SHTN1: variants seen among roughly 807,000 people sequenced by gnomAD.
The protein encoded by SHTN1 is shootin-1.
Under a neutral mutation model 83.1 loss-of-function variants are expected in SHTN1, and 42 were observed. The ratio of observed to expected loss-of-function variants is 0.51; its 90% confidence interval spans 0.39 to 0.65. SHTN1 has a LOEUF of 0.65. SHTN1 is among the 30% of genes least tolerant of loss of function. SHTN1 has a pLI of 0.00. For synonymous variants in SHTN1, 224 were observed against 247.7 expected, an observed-to-expected ratio of 0.90 and a Z score of 0.90; for missense variants, 622 against 737.8, an observed-to-expected ratio of 0.84 and a Z score of 1.82.
Position 116,906,755 on chromosome 10 carries a change from GA to G in SHTN1, c.1360-9del. 6.3e-7 allele frequency: 1 copy of G among 1,595,530 alleles called. No homozygotes were observed. The highest frequency in any genetic ancestry group is 8.5e-7 in the Non-Finnish European group (1 of 1,172,514). ...GGATTTGTTAAGTGTCCCCTAAAGT[GA>G]AAACAAAACAAAAACAAAAAGGTTA... On this transcript the variant is annotated splice_polypyrimidine_tract_variant and intron_variant, in intron 14 of 16. Coordinates refer to ENST00000355371, the MANE Select transcript of SHTN1 (RefSeq NM_001127211.3).
intron 12 of SHTN1, among the ~76,000 whole-genome samples, chr10:116,916,742 AAGAG>A (rs1438365326): frequency 6.6e-6 from 1 of 152,214 alleles, no homozygotes; most frequent in Non-Finnish European, 1.5e-5. Flanking sequence ...GGGAGCAACT[AAGAG>A]AGACCAGAGG....
chr10:117,003,780 G>A (rs1851905689), intron 1 of SHTN1, among the ~76,000 whole-genome samples: 1 of 152,156 alleles, frequency 6.6e-6, no homozygotes, highest in African/African-American at 2.4e-5. Flanking sequence ...ACAGAGCAGG[G>A]ATCCTTCCAT....
chr10:117,021,344 G>A (rs1852261275), intron 2 of SHTN1, among the ~76,000 whole-genome samples: 1 of 152,180 alleles, frequency 6.6e-6, no homozygotes, highest in South Asian at 2.1e-4. Flanking sequence ...GGTAGAGGTT[G>A]CAGTGAGCAG....
At chr10:117,096,588 G>A (rs754563029) in intron 1 of SHTN1, among the ~76,000 whole-genome samples, 33 of 152,178 alleles carry the variant, frequency 2.2e-4, no homozygotes, top group Non-Finnish European at 4.4e-4. Context: ...AGATACTTCT[G>A]AACACTACTT....
In SHTN1 at chr10:116,940,628, ACAAGAATGTATATAT is replaced by A. The variant is rs748800313; in HGVS notation, c.712-31_712-17del. ...CAATGAACATCTGCAAAAGTTTGTT[ACAAGAATGTATATAT>A]CAATCAATCTCACATACCTCCTCAA... On this transcript the variant is annotated splice_polypyrimidine_tract_variant and intron_variant, in intron 8 of 16. Transcript: ENST00000355371. 6.3e-7 allele frequency: 1 copy of A among 1,595,486 alleles called. No individual in the cohort carries two copies. Among genetic ancestry groups the A allele is most frequent in the Non-Finnish European group, 8.6e-7 (1 of 1,168,770 alleles).
chr10:117,100,740 G>A (rs912432141), intron 1 of SHTN1, among the ~76,000 whole-genome samples: 4 of 152,186 alleles, frequency 2.6e-5, no homozygotes, highest in African/African-American at 9.6e-5. Context: ...GGTTATGAAA[G>A]AGCTTTTTGA....
At chr10:117,022,053 C>A (rs1263065985) in intron 2 of SHTN1, among the ~76,000 whole-genome samples, 1 of 152,158 alleles carries the variant, frequency 6.6e-6, no homozygotes, top group African/African-American at 2.4e-5. Flanking sequence ...TGCCACAACA[C>A]TATATCATTA....
chr10:116,997,843 A>C (rs11593277), intron 1 of SHTN1, among the ~76,000 whole-genome samples: 90,559 of 152,120 alleles, frequency 0.6, 29,995 homozygotes, highest in Middle Eastern at 0.75. Flanking sequence ...CTGTAAACCC[A>C]GCACTTTGGG....
In SHTN1 at chr10:117,003,501, T is replaced by C. The variant is rs542326597; in HGVS notation, c.58+1521A>G. On this transcript the variant is annotated intron_variant, in intron 1 of 16. Transcript: ENST00000355371. Reference sequence around the variant, plus strand: ...AAATAATTTCCCCAGGGTCACACAGTAAACAGTAATGTTGAAATTTGTTTG... The same window carrying C: ...AAATAATTTCCCCAGGGTCACACAGCAAACAGTAATGTTGAAATTTGTTTG... Among the ~76,000 whole-genome samples, 7 of 151,896 alleles carry C rather than the reference T, an allele frequency of 4.6e-5. No individual in the cohort carries two copies. In the East Asian group the frequency reaches 1.4e-3, roughly 29 times the overall value.
chr10:117,063,209 C>T (rs1486036218), intron 1 of SHTN1, among the ~76,000 whole-genome samples: 1 of 152,176 alleles, frequency 6.6e-6, no homozygotes, highest in Non-Finnish European at 1.5e-5. Context: ...AATCTGTAAA[C>T]TACATTTCCT....
At chr10:116,929,771 T>C in intron 10 of SHTN1, 78 bp downstream of exon 10, 1 of 922,280 alleles carries the variant, frequency 1.1e-6, no homozygotes, top group South Asian at 2.5e-5. Context: ...CTAGACTAAC[T>C]ATATGCCAGG....
At chr10:116,956,912 T>A (rs1009959660) in intron 4 of SHTN1, among the ~76,000 whole-genome samples, 1 of 151,626 alleles carries the variant, frequency 6.6e-6, no homozygotes, top group Admixed American at 6.6e-5. Context: ...TATATGAGGG[T>A]TTTTTTTGTT....
intron 2 of SHTN1, among the ~76,000 whole-genome samples, chr10:117,031,714 C>T (rs948643839): frequency 2.0e-5 from 3 of 152,040 alleles, no homozygotes; most frequent in Non-Finnish European, 2.9e-5. Flanking sequence ...ATTTGCAAGC[C>T]TCATGGCAAC....
chr10:116,921,416 A>G lies in SHTN1; in HGVS notation c.1195+18T>C. The G allele has an allele frequency of 6.3e-7, 1 of 1,587,816 alleles. No individual in the cohort carries two copies. Among genetic ancestry groups the G allele is most frequent in the Non-Finnish European group, 8.6e-7 (1 of 1,156,956 alleles). On this transcript the variant is annotated intron_variant, in intron 12 of 16. Coordinates refer to ENST00000355371, the MANE Select transcript of SHTN1 (RefSeq NM_001127211.3). ...TGGTACACCATCAACCACTTACACC[A>G]ATAGAAGTGATGCTTACTTGTTTCT... is the stretch of plus-strand genomic sequence containing the variant.
At chr10:117,100,468 G>A (rs541716174) in intron 1 of SHTN1, among the ~76,000 whole-genome samples, 5 of 152,208 alleles carry the variant, frequency 3.3e-5, no homozygotes, top group African/African-American at 1.2e-4. Context: ...ATGTTTTCTT[G>A]CCATTCCTTT....
At chr10:117,081,021 G>A (rs80044962) in intron 1 of SHTN1, among the ~76,000 whole-genome samples, 34 of 151,426 alleles carry the variant, frequency 2.2e-4, no homozygotes, top group East Asian at 1.8e-3. Context: ...TTGAATACCC[G>A]TTATTTCCTT....
At chr10:117,055,913 T>C (rs944977729) in intron 1 of SHTN1, among the ~76,000 whole-genome samples, 2 of 152,198 alleles carry the variant, frequency 1.3e-5, no homozygotes, top group Admixed American at 1.3e-4. Flanking sequence ...TTGTATGCTA[T>C]GTATGTTTTA....
intron 1 of SHTN1, among the ~76,000 whole-genome samples, chr10:116,987,762 A>G (rs113182018): frequency 2.6e-5 from 4 of 152,232 alleles, no homozygotes; most frequent in African/African-American, 9.6e-5. Context: ...TAAAAAAACA[A>G]AAATTAGCCA....
At chr10:117,065,792 GGAAGGAAGGAA>G (rs1852982856) in intron 1 of SHTN1, among the ~76,000 whole-genome samples, 1 of 14,878 alleles carries the variant, frequency 6.7e-5, no homozygotes, top group African/African-American at 2.3e-4. Context: ...AAGGAAGGAA[GGAAGGAAGGAA>G]GGAAGGAAGG....
Sources: allele counts gnomAD v4.1 joint callset (sites outside exome capture counted in the v4.1 genomes callset), GRCh38; gene constraint gnomAD v4.1.1; transcripts MANE v1.5; gene names NCBI Gene and HGNC (gene_info 2026-07-23, HGNC 2026-07-21).